ITGAE: variants seen among roughly 807,000 people sequenced by gnomAD.
ITGAE encodes integrin alpha-E.
ITGAE carries 99 observed loss-of-function variants against 136.5 expected under a neutral mutation model. The ratio of observed to expected loss-of-function variants is 0.73; its 90% CI spans 0.62 to 0.86. The LOEUF (loss-of-function observed/expected upper bound fraction) is 0.86, where lower values mean the gene tolerates loss of function less well. Ranked by LOEUF, ITGAE falls within the 40% of genes least tolerant of loss-of-function variation. The probability of loss-of-function intolerance (pLI) is 0.00; values close to 1 mark genes in which losing one functional copy is unlikely to be tolerated. For synonymous variants in ITGAE, 613 were observed against 591.8 expected, an observed-to-expected ratio of 1.04 and a Z score of -0.52; for missense variants, 1,447 against 1,515.3, an observed-to-expected ratio of 0.95 and a Z score of 0.75.
At chr17:3,724,162 T>A (rs11653889) in intron 26 of ITGAE, 16,209 of 1,593,790 alleles carry the variant, frequency 0.01, 123 homozygotes, top group Non-Finnish European at 0.012. Flanking sequence ...GGCAGCCCGG[T>A]GAGGCGGCGG....
At chr17:3,788,566 C>G (rs2143441017) in intron 1 of ITGAE, among the ~76,000 whole-genome samples, 1 of 146,908 alleles carries the variant, frequency 6.8e-6, no homozygotes, top group South Asian at 2.1e-4. Flanking sequence ...TCCCAAAGTG[C>G]TGAGATTACA....
intron 2 of ITGAE, among the ~76,000 whole-genome samples, chr17:3,774,590 C>G (rs1010701941): frequency 6.6e-6 from 1 of 152,026 alleles, no homozygotes; most frequent in Middle Eastern, 3.2e-3. Flanking sequence ...GTGGCGAAAC[C>G]CTGTTTCTAC....
At chr17:3,726,935 G>C (rs2051227649) in intron 26 of ITGAE, among the ~76,000 whole-genome samples, 1 of 151,818 alleles carries the variant, frequency 6.6e-6, no homozygotes, top group Non-Finnish European at 1.5e-5. Flanking sequence ...TCACCATGTT[G>C]GCCAGGCTGG....
At chr17:3,724,750 A>T (rs2051165608) in intron 26 of ITGAE, 1 of 1,614,070 alleles carries the variant, frequency 6.2e-7, no homozygotes, top group Non-Finnish European at 8.5e-7. Context: ...TCCTGCTGTA[A>T]AAGGAAACTG....
Position 3,798,227 on chromosome 17 carries a change from C to T in ITGAE, c.34+2884G>A, listed in dbSNP as rs2053168831. On this transcript the variant is annotated intron_variant, in intron 1 of 30. Coordinates refer to ENST00000263087, the MANE Select transcript of ITGAE (RefSeq NM_002208.5). This position sits in a 1 kb window ranked among gnomAD's most constrained non-coding sequence, Gnocchi z 4.3. ...GGAGTGCCCCTTCCCTACCCCCGTGCTGTGACACCCTGCCGGGGCCGGGGA... is the reference window on the plus strand; with the variant it reads ...GGAGTGCCCCTTCCCTACCCCCGTGTTGTGACACCCTGCCGGGGCCGGGGA... 6.6e-6 allele frequency among the ~76,000 whole-genome samples: 1 copy of T among 152,182 alleles called. No homozygotes were observed. Among genetic ancestry groups the T allele is most frequent in the Admixed American group, 6.5e-5 (1 of 15,274 alleles).
Position 3,759,498 on chromosome 17 carries a change from C to T in ITGAE, c.770G>A (p.Arg257Gln), listed in dbSNP as rs373624854. 32 of 1,614,182 alleles carry T rather than the reference C, an allele frequency of 2.0e-5. No individual in the cohort carries two copies. Among genetic ancestry groups the T allele is most frequent in the South Asian group, 9.9e-5 (9 of 91,084 alleles). ...GGVIQTEFDL[R>Q]DSQDVMASLA... is the part of the protein sequence containing the mutation. ...GGAGGCCATCACATCCTGGCTGTCC[C>T]GAAGGTCAAACTCAGTCTGGATCAC... Residue 257 changes from arginine to glutamine, a missense_variant, in exon 8 of 31, where the codon CGG becomes CAG. Transcript: ENST00000263087.
At chr17:3,797,478 T>TTTTA in intron 1 of ITGAE, among the ~76,000 whole-genome samples, 1 of 148,556 alleles carries the variant, frequency 6.7e-6, no homozygotes, top group African/African-American at 2.5e-5. Context: ...TTTTTTTTTT[T>TTTTA]GAGACGGTGT....
chr17:3,725,217 A>C (rs757044195), intron 26 of ITGAE: 1 of 1,614,220 alleles, frequency 6.2e-7, no homozygotes, highest in South Asian at 1.1e-5. Context: ...TGTCATGAAC[A>C]GAACAAGTGG....
chr17:3,724,893 A>C, intron 26 of ITGAE: 8 of 1,613,558 alleles, frequency 5.0e-6, no homozygotes, highest in Non-Finnish European at 6.8e-6. Flanking sequence ...CAGTGTTCCC[A>C]AGGGCCGCAT....
At chr17:3,773,263 G>A (rs979739535) in intron 2 of ITGAE, among the ~76,000 whole-genome samples, 9 of 152,076 alleles carry the variant, frequency 5.9e-5, no homozygotes, top group African/African-American at 1.7e-4. Flanking sequence ...AGGCCGAGGC[G>A]GGCGGATCAC....
chr17:3,724,463 C>T (rs1382910179), intron 26 of ITGAE: 7 of 1,613,712 alleles, frequency 4.3e-6, no homozygotes, highest in East Asian at 4.5e-5. Context: ...CCTCGCCCTG[C>T]CCCGGGTCCC....
intron 1 of ITGAE, among the ~76,000 whole-genome samples, chr17:3,782,216 G>A (rs1298650161): frequency 2.0e-5 from 3 of 146,906 alleles, no homozygotes; most frequent in Admixed American, 7.0e-5. Context: ...CACAGGTTGC[G>A]GTGAACTGAC....
At chr17:3,800,438 C>T (rs954989095) in intron 1 of ITGAE, among the ~76,000 whole-genome samples, 5 of 152,190 alleles carry the variant, frequency 3.3e-5, no homozygotes, top group African/African-American at 1.2e-4. Flanking sequence ...TAGCAGCCTC[C>T]AGGGGCTCAC....
At position 3,750,351 on chromosome 17, in the gene ITGAE, C is replaced by A; in HGVS notation, c.2024+1G>T. 6.2e-7 allele frequency: 1 copy of A among 1,613,888 alleles called. No individual in the cohort carries two copies. Among genetic ancestry groups the A allele is most frequent in the Non-Finnish European group, 8.5e-7 (1 of 1,179,914 alleles). ...CCCCAGAAAGCAGGACAGAACCCTA[C>A]CGGAACACAACCGCCTGGCCCAGAG... On this transcript the variant is annotated splice_donor_variant, in intron 16 of 30. Transcript: ENST00000263087. LOFTEE classifies it high-confidence loss of function.
intron 19 of ITGAE, among the ~76,000 whole-genome samples, chr17:3,740,403 G>C (rs1416737681): frequency 6.6e-6 from 1 of 152,266 alleles, no homozygotes; most frequent in Admixed American, 6.5e-5. Flanking sequence ...TTCAGATGGA[G>C]TCTCGCTCTG....
chr17:3,767,460 T>C (rs1472153007), intron 2 of ITGAE, among the ~76,000 whole-genome samples: 1 of 152,176 alleles, frequency 6.6e-6, no homozygotes, highest in African/African-American at 2.4e-5. Context: ...CTTGATATCC[T>C]GACCTCAGGT....
chr17:3,724,134 G>C, intron 26 of ITGAE: 1 of 1,595,462 alleles, frequency 6.3e-7, no homozygotes, highest in Non-Finnish European at 8.5e-7. Context: ...TGACGATCCC[G>C]ACGACCCCGA....
intron 22 of ITGAE, 152 bp from the exon 23 acceptor site, chr17:3,731,335 C>CTT (rs78134599): frequency 2.1e-3 from 825 of 397,962 alleles, no homozygotes; most frequent in South Asian, 5.1e-3. Context: ...CTTTCCCTTC[C>CTT]TTTTTTTTTT....
intron 2 of ITGAE, among the ~76,000 whole-genome samples, chr17:3,768,582 G>T (rs2052351883): frequency 6.6e-6 from 1 of 152,144 alleles, no homozygotes; most frequent in Non-Finnish European, 1.5e-5. Context: ...CCACCGCGCT[G>T]TTTCCTATTC....
Sources: gnomAD v4.1 joint callset for allele counts (sites outside exome capture counted in the v4.1 genomes callset) on GRCh38, gnomAD v4.1.1 for gene constraint, Gnocchi (gnomAD v3.1) non-coding constraint, MANE v1.5 for transcripts, NCBI Gene and HGNC (gene_info 2026-07-23, HGNC 2026-07-21) for gene names.